Variants in CACNA2D3 observed in about 807,000 individuals in gnomAD.
The protein encoded by CACNA2D3 is voltage-dependent calcium channel subunit alpha-2/delta-3.
Under a neutral mutation model 160.6 loss-of-function variants are expected in CACNA2D3, and 60 were observed. The observed-to-expected ratio is 0.37, with a 90% CI of 0.30 to 0.46. CACNA2D3 has a LOEUF of 0.46. Ranked by LOEUF, CACNA2D3 falls within the 20% of genes least tolerant of loss-of-function variation. The pLI, the probability that CACNA2D3 is intolerant of heterozygous loss-of-function variation, is 1.00. For synonymous variants in CACNA2D3, 558 were observed against 492.9 expected, an observed-to-expected ratio of 1.13 and a Z score of -1.75; for missense variants, 1,205 against 1,365.0, an observed-to-expected ratio of 0.88 and a Z score of 1.85.
In CACNA2D3 at chr3:54,412,607, G is replaced by GTTGTTTTTTT. The variant is rs1342144952; in HGVS notation, c.381+25835_381+25836insGTTTTTTTTT. On this transcript the variant is annotated intron_variant, in intron 4 of 37. Transcript: ENST00000474759. The stretch of plus-strand genomic sequence containing the variant: ...ATAACCTGTCTGTAATTCTGGTCTT[G>GTTGTTTTTTT]TTCTTTTTTTTTTTAGTCTGACAAC... Among the ~76,000 whole-genome samples, 321 of 40,446 alleles carry GTTGTTTTTTT rather than the reference G, an allele frequency of 7.9e-3. 2 individuals are homozygous for GTTGTTTTTTT. Among genetic ancestry groups the GTTGTTTTTTT allele is most frequent in the African/African-American group, 0.022 (308 of 13,804 alleles). The allele number at this position is 40,446 out of a possible 152,430, so 26.5% of individuals were successfully genotyped here.
chr3:54,845,044 G>A (rs1036136565), intron 16 of CACNA2D3, among the ~76,000 whole-genome samples: 2 of 152,156 alleles, frequency 1.3e-5, no homozygotes, highest in Non-Finnish European at 2.9e-5. Context: ...AGATGAAAGA[G>A]ACGATATACA....
chr3:54,232,200 A>T (rs1172779495), intron 2 of CACNA2D3, among the ~76,000 whole-genome samples: 2 of 152,334 alleles, frequency 1.3e-5, no homozygotes, highest in South Asian at 4.1e-4. Context: ...CCAATCCTGG[A>T]TCAGTCACTG....
intron 2 of CACNA2D3, among the ~76,000 whole-genome samples, chr3:54,208,586 G>T (rs1419284495): frequency 6.6e-6 from 1 of 152,158 alleles, no homozygotes; most frequent in African/African-American, 2.4e-5. Context: ...GTCCCTGTGT[G>T]GCCTTACCAG....
chr3:54,586,402 G>T (rs886440353), intron 9 of CACNA2D3, among the ~76,000 whole-genome samples: 4 of 151,974 alleles, frequency 2.6e-5, no homozygotes, highest in African/African-American at 9.7e-5. Context: ...AAGTCTTCAG[G>T]GCAAAGAAAA....
chr3:54,874,012 G>A (rs1699603639), intron 18 of CACNA2D3, among the ~76,000 whole-genome samples: 1 of 152,158 alleles, frequency 6.6e-6, no homozygotes, highest in Non-Finnish European at 1.5e-5. Context: ...TGTAAGCACA[G>A]CCCACTGAGG....
At chr3:54,159,293 T>G (rs1233833148) in intron 2 of CACNA2D3, among the ~76,000 whole-genome samples, 2 of 152,172 alleles carry the variant, frequency 1.3e-5, no homozygotes, top group Non-Finnish European at 2.9e-5. Flanking sequence ...CCTTCTTGAC[T>G]TTTCCTTGCT....
At chr3:55,068,000 C>A (rs1704703371) in intron 35 of CACNA2D3, among the ~76,000 whole-genome samples, 1 of 151,924 alleles carries the variant, frequency 6.6e-6, no homozygotes, top group Admixed American at 6.5e-5. Flanking sequence ...TTCCTCTATT[C>A]TCCTCTTCTC....
chr3:54,906,201 C>CAGGAAGGGA (rs71932091), intron 27 of CACNA2D3, among the ~76,000 whole-genome samples: 1 of 150,016 alleles, frequency 6.7e-6, no homozygotes, highest in Non-Finnish European at 1.5e-5. Flanking sequence ...GAATGAGAGA[C>CAGGAAGGGA]AGGAAGGGAA....
In CACNA2D3 at chr3:54,865,681, A is replaced by G. The variant is rs552387603; in HGVS notation, c.1627-5858A>G. Reference sequence around the variant, plus strand: ...TATTTATAAACAAGATACTGTTATGAACTCCCTTTGCCTGTGAAGGAACTT... The same window carrying G: ...TATTTATAAACAAGATACTGTTATGGACTCCCTTTGCCTGTGAAGGAACTT... On this transcript the variant is annotated intron_variant, in intron 17 of 37. Transcript: ENST00000474759. Among the ~76,000 whole-genome samples, 17 of 152,358 alleles carry G rather than the reference A, an allele frequency of 1.1e-4. 1 individual carries two copies. In the Middle Eastern group the frequency reaches 0.024, roughly 213 times the overall value.
chr3:54,410,237 C>G (rs753428590), intron 4 of CACNA2D3, among the ~76,000 whole-genome samples: 1 of 152,060 alleles, frequency 6.6e-6, no homozygotes, highest in Non-Finnish European at 1.5e-5. Flanking sequence ...ATGTGTAATA[C>G]CAGCTACTCA....
At chr3:54,667,322 T>G (rs758389848) in intron 11 of CACNA2D3, among the ~76,000 whole-genome samples, 7 of 152,190 alleles carry the variant, frequency 4.6e-5, no homozygotes, top group Non-Finnish European at 8.8e-5. Flanking sequence ...GACTAACTTA[T>G]GACACCTGCG....
At chr3:54,839,440 C>T (rs1360300697) in intron 16 of CACNA2D3, among the ~76,000 whole-genome samples, 1 of 152,062 alleles carries the variant, frequency 6.6e-6, no homozygotes, top group Non-Finnish European at 1.5e-5. Flanking sequence ...CATGTGCATG[C>T]CAGAGGCATC....
intron 2 of CACNA2D3, among the ~76,000 whole-genome samples, chr3:54,265,669 AGT>A (rs892981005): frequency 1.4e-5 from 2 of 139,106 alleles, no homozygotes; most frequent in African/African-American, 5.1e-5. Flanking sequence ...GTATATATAT[AGT>A]GTGTGTATAT....
intron 35 of CACNA2D3, among the ~76,000 whole-genome samples, chr3:55,067,069 T>C (rs1353052581): frequency 6.7e-6 from 1 of 150,062 alleles, no homozygotes; most frequent in Non-Finnish European, 1.5e-5. Context: ...TATGGAAAAG[T>C]AGTTAATCTT....
At chr3:54,666,457 C>T (rs1261490535) in intron 11 of CACNA2D3, among the ~76,000 whole-genome samples, 2 of 152,202 alleles carry the variant, frequency 1.3e-5, no homozygotes, top group African/African-American at 2.4e-5. Context: ...AAGAAGGAAC[C>T]ATTCAGAATG....
At chr3:54,896,504 G>T (rs1700191678) in intron 25 of CACNA2D3, among the ~76,000 whole-genome samples, 1 of 152,134 alleles carries the variant, frequency 6.6e-6, no homozygotes, top group Non-Finnish European at 1.5e-5. Flanking sequence ...AAGACAATTA[G>T]TTCACTAGAT....
chr3:55,014,744 C>T (rs1703292028), intron 34 of CACNA2D3, among the ~76,000 whole-genome samples: 1 of 152,072 alleles, frequency 6.6e-6, no homozygotes, highest in Non-Finnish European at 1.5e-5. Flanking sequence ...ACAGCAACAA[C>T]AACAACAAAA....
intron 2 of CACNA2D3, among the ~76,000 whole-genome samples, chr3:54,188,127 A>G (rs1029419930): frequency 5.9e-5 from 9 of 152,204 alleles, no homozygotes; most frequent in Non-Finnish European, 8.8e-5. Flanking sequence ...ACATATGTAC[A>G]CAGAACTCAT....
intron 11 of CACNA2D3, among the ~76,000 whole-genome samples, chr3:54,749,740 T>A (rs1022515577): frequency 2.0e-5 from 3 of 152,216 alleles, no homozygotes; most frequent in African/African-American, 7.2e-5. Flanking sequence ...CAACAAGTCA[T>A]TTTCATGCCA....
Sources: allele counts gnomAD v4.1 joint callset (sites outside exome capture counted in the v4.1 genomes callset), GRCh38; gene constraint gnomAD v4.1.1; transcripts MANE v1.5; gene names NCBI Gene and HGNC (gene_info 2026-07-23, HGNC 2026-07-21).